Variants in TG observed in about 807,000 individuals in gnomAD.
TG encodes thyroglobulin.
TG carries 270 observed loss-of-function variants against 324.7 expected under a neutral mutation model. The observed-to-expected ratio is 0.83, with a 90% CI of 0.75 to 0.92. The LOEUF is 0.92. TG is among the 40% of genes least tolerant of loss of function. The pLI, the probability that TG is intolerant of heterozygous loss-of-function variation, is 0.00. For synonymous variants in TG, 1,401 were observed against 1,327.0 expected (o/e 1.06, Z -1.21); for missense variants, 3,591 against 3,456.4 (o/e 1.04, Z -0.98).
chr8:132,947,450 C>T (rs1825481631), intron 26 of TG, among the ~76,000 whole-genome samples: 2 of 152,172 alleles, frequency 1.3e-5, no homozygotes, highest in African/African-American at 4.8e-5. Flanking sequence ...TTTTTAACTA[C>T]TGCAGTTTAA....
chr8:132,893,641 G>A (rs1160361409), intron 10 of TG, 49 bp from the exon 11 acceptor site: 2 of 1,612,442 alleles, frequency 1.2e-6, no homozygotes, highest in Non-Finnish European at 1.7e-6. Context: ...GAGTCAGAGG[G>A]AAGTCCACGT....
chr8:132,985,193 G>A (rs1184084905), intron 35 of TG, among the ~76,000 whole-genome samples: 1 of 152,174 alleles, frequency 6.6e-6, no homozygotes, highest in African/African-American at 2.4e-5. Context: ...TGAATTTGCT[G>A]TGCGTCAAGT....
chr8:132,989,108 CG>C (rs1324416424), intron 35 of TG, among the ~76,000 whole-genome samples: 1 of 152,124 alleles, frequency 6.6e-6, no homozygotes, highest in Non-Finnish European at 1.5e-5. Flanking sequence ...TTTTAAAAGC[CG>C]TCAGATGTCC....
At chr8:132,972,834 A>C in intron 34 of TG, 93 bp downstream of exon 34, 1 of 1,500,766 alleles carries the variant, frequency 6.7e-7, no homozygotes, top group East Asian at 2.3e-5. Context: ...TGGTGAGTAG[A>C]TTAATGAAGA....
chr8:133,086,661 T>A (rs1682813981), intron 41 of TG, among the ~76,000 whole-genome samples: 1 of 152,220 alleles, frequency 6.6e-6, no homozygotes, highest in Admixed American at 6.5e-5. Flanking sequence ...GTCTGTAACA[T>A]CATAAAACCT....
chr8:133,116,595 T>A lies in TG; in HGVS notation c.7755-14T>A. On this transcript the variant is annotated splice_polypyrimidine_tract_variant and intron_variant, in intron 44 of 47. Transcript: ENST00000220616. The stretch of plus-strand genomic sequence containing the variant: ...ATGTTTAACCAGACTCCCCCCATGT[T>A]CTCTTTTCACCAGGGACTACTTTAT... 1 of 1,608,296 alleles carries A rather than the reference T, an allele frequency of 6.2e-7. No homozygotes were observed. The highest frequency in any genetic ancestry group is 8.5e-7 in the Non-Finnish European group (1 of 1,174,684).
chr8:133,075,433 G>A (rs1462574078), intron 41 of TG, among the ~76,000 whole-genome samples: 6 of 152,150 alleles, frequency 3.9e-5, no homozygotes, highest in Non-Finnish European at 8.8e-5. Context: ...CAATGACTTG[G>A]TGCCAATGTG....
intron 45 of TG, among the ~76,000 whole-genome samples, chr8:133,123,446 A>G (rs1441522495): frequency 6.6e-6 from 1 of 150,936 alleles, no homozygotes; most frequent in Non-Finnish European, 1.5e-5. Flanking sequence ...CATTCTGTCT[A>G]ATGCCTCCTG....
chr8:132,891,030 T>C (rs1004609815), intron 10 of TG, among the ~76,000 whole-genome samples: 1 of 152,102 alleles, frequency 6.6e-6, no homozygotes, highest in African/African-American at 2.4e-5. Flanking sequence ...AAGGATGTTA[T>C]CAGGAAAGTA....
rs550982595 is a variant in TG at position 133,013,384 on chromosome 8, T to C, written c.6398-216T>C. Among the ~76,000 whole-genome samples the C allele has an allele frequency of 2.6e-5, 4 of 151,640 alleles. No individual in the cohort carries two copies. The South Asian group carries it at 8.4e-4, about 32-fold the overall frequency. ...ATTGATGGATTCATGGATACATGAT[T>C]TGATGAAAGGGTAGATGGATGGAAG... On this transcript the variant is annotated intron_variant, in intron 36 of 47. Coordinates refer to ENST00000220616, the MANE Select transcript of TG (RefSeq NM_003235.5).
At chr8:133,134,023 A>T (rs1852159913) in intron 47 of TG, among the ~76,000 whole-genome samples, 1 of 152,248 alleles carries the variant, frequency 6.6e-6, no homozygotes, top group African/African-American at 2.4e-5. Context: ...TTGAAGTCCT[A>T]GATAGAAAAT....
chr8:133,007,995 T>C (rs934160830), intron 35 of TG, among the ~76,000 whole-genome samples: 3 of 152,164 alleles, frequency 2.0e-5, no homozygotes, highest in African/African-American at 7.2e-5. Context: ...AGTTGTCCTG[T>C]TAGAAAATAT....
chr8:133,107,105 G>A (rs11784620), intron 43 of TG, among the ~76,000 whole-genome samples: 24,216 of 152,226 alleles, frequency 0.16, 2,387 homozygotes, highest in Non-Finnish European at 0.21. Flanking sequence ...AATCATTAAT[G>A]CATTTCGTTC....
chr8:132,940,014 G>T (rs772268116), intron 25 of TG, among the ~76,000 whole-genome samples: 1 of 152,134 alleles, frequency 6.6e-6, no homozygotes, highest in African/African-American at 2.4e-5. Flanking sequence ...TGTCCTTGAG[G>T]ATTACTTATT....
chr8:132,984,914 G>T (rs1210211478), intron 35 of TG, among the ~76,000 whole-genome samples: 2 of 146,520 alleles, frequency 1.4e-5, no homozygotes, highest in African/African-American at 5.2e-5. Context: ...TCTCCAGCCT[G>T]AGCAACACAG....
chr8:133,034,785 G>A (rs576239229), intron 41 of TG, among the ~76,000 whole-genome samples: 1 of 152,278 alleles, frequency 6.6e-6, no homozygotes, highest in South Asian at 2.1e-4. Flanking sequence ...CTGCAGGGTT[G>A]AGTTTGGGCT....
At chr8:132,907,810 A>C (rs553018193) in intron 17 of TG, among the ~76,000 whole-genome samples, 13 of 152,264 alleles carry the variant, frequency 8.5e-5, no homozygotes, top group Non-Finnish European at 1.8e-4. Context: ...TTGTGCACTG[A>C]ACAACCTTAG....
intron 35 of TG, among the ~76,000 whole-genome samples, chr8:133,005,919 G>C (rs1357216874): frequency 6.6e-6 from 1 of 152,094 alleles, no homozygotes; most frequent in Admixed American, 6.5e-5. Context: ...CAACCTGTCC[G>C]GCTTTCCTCT....
chr8:132,946,878 A>G (rs146984539), intron 26 of TG, among the ~76,000 whole-genome samples: 1 of 152,168 alleles, frequency 6.6e-6, no homozygotes, highest in African/African-American at 2.4e-5. Flanking sequence ...GACATTTGGC[A>G]CTAGTTAAAG....
Sources: gnomAD v4.1 joint callset for allele counts (sites outside exome capture counted in the v4.1 genomes callset) on GRCh38, gnomAD v4.1.1 for gene constraint, MANE v1.5 for transcripts, NCBI Gene and HGNC (gene_info 2026-07-23, HGNC 2026-07-21) for gene names.